SVOPL: variants seen among roughly 807,000 people sequenced by gnomAD.
SVOPL encodes putative transporter SVOPL.
A neutral mutation model predicts 61.0 loss-of-function variants in SVOPL; 60 were observed. The ratio of observed to expected loss-of-function variants is 0.98; its 90% CI spans 0.80 to 1.22. The LOEUF (loss-of-function observed/expected upper bound fraction) is 1.22, where lower values mean the gene tolerates loss of function less well. Among genes scored for constraint, SVOPL ranks in the 50% most tolerant of loss-of-function variants. The probability of loss-of-function intolerance (pLI) is 0.00; values close to 1 mark genes in which losing one functional copy is unlikely to be tolerated. For synonymous variants in SVOPL, 279 were observed against 250.0 expected (o/e 1.12, Z -1.09); for missense variants, 662 against 643.9 (o/e 1.03, Z -0.30).
At chr7:138,605,882 G>A (rs549841259) in intron 14 of SVOPL, among the ~76,000 whole-genome samples, 1 of 152,294 alleles carries the variant, frequency 6.6e-6, no homozygotes, top group East Asian at 1.9e-4. Flanking sequence ...CAGCCTTCGG[G>A]TGTTTTCCAA....
chr7:138,690,511 A>G (rs534951661), intron 1 of SVOPL, among the ~76,000 whole-genome samples: 49 of 152,378 alleles, frequency 3.2e-4, no homozygotes, highest in Non-Finnish European at 5.0e-4. Context: ...AATGAATCTC[A>G]AAAACATGCT....
At chr7:138,670,506 C>T (rs567034758) in intron 4 of SVOPL, among the ~76,000 whole-genome samples, 36 of 152,312 alleles carry the variant, frequency 2.4e-4, no homozygotes, top group African/African-American at 8.7e-4. Flanking sequence ...CCTGACTCAA[C>T]TGGTCCTGTG....
chr7:138,626,605 C>A (rs1799904139), intron 12 of SVOPL, among the ~76,000 whole-genome samples: 1 of 152,108 alleles, frequency 6.6e-6, no homozygotes, highest in South Asian at 2.1e-4. Flanking sequence ...GTTGTCCAAG[C>A]TGATCTTGAA....
chr7:138,612,873 T>C (rs1485873282), intron 14 of SVOPL, among the ~76,000 whole-genome samples: 2 of 151,980 alleles, frequency 1.3e-5, no homozygotes, highest in African/African-American at 4.8e-5. Flanking sequence ...CTTTATACTA[T>C]AATAGAAAGG....
intron 14 of SVOPL, among the ~76,000 whole-genome samples, chr7:138,616,472 GA>G (rs1235031355): frequency 1.3e-5 from 2 of 152,042 alleles, no homozygotes; most frequent in African/African-American, 4.8e-5. Context: ...GAATAGCTGG[GA>G]TTACAGGCGC....
At chr7:138,669,386 CAA>C (rs1802359100) in intron 4 of SVOPL, among the ~76,000 whole-genome samples, 2 of 151,774 alleles carry the variant, frequency 1.3e-5, no homozygotes, top group African/African-American at 4.8e-5. Flanking sequence ...CCAGCCCGGG[CAA>C]AAGAGGGAGA....
At chr7:138,654,624 C>T (rs1659802) in intron 7 of SVOPL, among the ~76,000 whole-genome samples, 34,159 of 151,178 alleles carry the variant, frequency 0.23, 4,469 homozygotes, top group East Asian at 0.39. Flanking sequence ...CTCAGCCTCC[C>T]GAGTAGCTGG....
In SVOPL at chr7:138,628,231, G is replaced by C. The variant is rs770914376; in HGVS notation, c.996C>G (p.Ser332Arg). Reference protein sequence around the residue: ...VTGGDSGESQSPCYCHMFAPS... With the variant: ...VTGGDSGESQRPCYCHMFAPS... ...GTGCAAACATGTGGCAGTAGCAGGG[G>C]CTCTGGCTCTCCCCTGAGTCCCCCC... The change falls in exon 11 of 16, where the codon AGC becomes AGG. Residue 332 changes from serine to arginine, a missense_variant. Coordinates refer to ENST00000674285, the MANE Select transcript of SVOPL (RefSeq NM_001139456.2). The C allele has an allele frequency of 2.5e-6, 4 of 1,614,170 alleles. No individual in the cohort carries two copies. In the South Asian group the frequency reaches 4.4e-5, roughly 18 times the overall value.
chr7:138,629,131 G>GTGTATGTATA (rs1800040836), intron 10 of SVOPL, among the ~76,000 whole-genome samples: 1 of 72,044 alleles, frequency 1.4e-5, no homozygotes, highest in African/African-American at 4.0e-5. Flanking sequence ...TTATATATGT[G>GTGTATGTATA]TGTGTGTGTG....
intron 1 of SVOPL, among the ~76,000 whole-genome samples, chr7:138,686,002 T>G (rs1802801783): frequency 6.6e-6 from 1 of 152,176 alleles, no homozygotes; most frequent in African/African-American, 2.4e-5. Context: ...TTGTATACAT[T>G]AAATATGTAC....
chr7:138,612,436 T>TAAAAAAAAAAAAAAAAAAAAAAAA, intron 14 of SVOPL, among the ~76,000 whole-genome samples: 1 of 17,864 alleles, frequency 5.6e-5, no homozygotes, highest in African/African-American at 2.3e-4. Context: ...AAATAAAAAA[T>TAAAAAAAAAAAAAAAAAAAAAAAA]AAAAAAAAAA....
chr7:138,679,033 G>T lies in SVOPL; in HGVS notation c.13C>A (p.Pro5Thr). The T allele has an allele frequency of 6.4e-7, 1 of 1,551,522 alleles. No individual in the cohort carries two copies. Among genetic ancestry groups the T allele is most frequent in the African/African-American group, 1.4e-5 (1 of 73,142 alleles). Reference sequence around the variant, plus strand: ...CTGAGGATCGTGACAGGCTCTGTTGGCTTGGTTGCCATCTTCTAAATAGCT... The same window carrying T: ...CTGAGGATCGTGACAGGCTCTGTTGTCTTGGTTGCCATCTTCTAAATAGCT... MATKPTEPVTILSLR... is the reference protein window; with the variant it reads MATKTTEPVTILSLR... The change falls in exon 2 of 16, where the codon CCA becomes ACA. Residue 5 changes from proline to threonine, a missense_variant. By Grantham distance (38) the Pro-to-Thr change is conservative. Transcript: ENST00000674285.
chr7:138,596,871 T>G (rs1156526930), intron 14 of SVOPL: 1 of 1,093,380 alleles, frequency 9.1e-7, no homozygotes, highest in Non-Finnish European at 1.1e-6. Context: ...TTCAGCTTGC[T>G]TAACTTCTAA....
At chr7:138,626,786 C>T (rs1799910962) in intron 12 of SVOPL, among the ~76,000 whole-genome samples, 1 of 151,740 alleles carries the variant, frequency 6.6e-6, no homozygotes, top group African/African-American at 2.4e-5. Context: ...TTAGAGGCTG[C>T]AGTGAGCTGA....
At chr7:138,696,655 C>A (rs1167103927) in intron 1 of SVOPL, among the ~76,000 whole-genome samples, 1 of 151,968 alleles carries the variant, frequency 6.6e-6, no homozygotes, top group African/African-American at 2.4e-5. Context: ...AATTCCTGAC[C>A]TCAGGTGCTC....
At chr7:138,667,877 A>G (rs991236773) in intron 4 of SVOPL, among the ~76,000 whole-genome samples, 5 of 152,296 alleles carry the variant, frequency 3.3e-5, no homozygotes, top group Admixed American at 2.6e-4. Flanking sequence ...CTTACTTTAT[A>G]GTTTAAAACA....
rs529728407 is a variant in SVOPL, at chr7:138,671,896, T to C, written c.273+123A>G. 8.7e-5 allele frequency: 70 copies of C among 806,214 alleles called. No homozygotes were observed. In the African/African-American group the frequency reaches 1.1e-3, roughly 13 times the overall value. The allele number at this position is 806,214 out of a possible 1,614,324, so 49.9% of individuals were successfully genotyped here. On this transcript the variant is annotated intron_variant, in intron 4 of 15. Coordinates refer to ENST00000674285, the MANE Select transcript of SVOPL (RefSeq NM_001139456.2). ...GAAGACATCAAATGCTGCAAACCCT[T>C]GAGTTTTGGAAGCCAACAGTGGCAG...
At chr7:138,640,423 G>T (rs1382596078) in intron 9 of SVOPL, among the ~76,000 whole-genome samples, 2 of 151,962 alleles carry the variant, frequency 1.3e-5, no homozygotes, top group Non-Finnish European at 2.9e-5. Context: ...TAGAGTCAGG[G>T]TTTCTCTGTG....
intron 10 of SVOPL, 65 bp downstream of exon 10, chr7:138,629,984 T>C (rs1484414696): frequency 4.5e-6 from 6 of 1,346,442 alleles, no homozygotes; most frequent in Non-Finnish European, 6.4e-6. Context: ...CACATAGATT[T>C]ACTTAAATAG....
Sources: gnomAD v4.1 joint callset for allele counts (sites outside exome capture counted in the v4.1 genomes callset) on GRCh38, gnomAD v4.1.1 for gene constraint, MANE v1.5 for transcripts, NCBI Gene and HGNC (gene_info 2026-07-23, HGNC 2026-07-21) for gene names.